Variants in PAG1 observed in about 807,000 individuals in gnomAD.
The protein encoded by PAG1 is phosphoprotein associated with glycosphingolipid-enriched microdomains 1.
Under a neutral mutation model 31.7 loss-of-function variants are expected in PAG1, and 23 were observed. The observed-to-expected ratio is 0.73, with a 90% CI of 0.52 to 1.03. The LOEUF is 1.03. Ranked by LOEUF, PAG1 falls within the 50% of genes least tolerant of loss-of-function variation. PAG1 has a pLI of 0.00. For missense variants in PAG1, 473 were observed against 540.7 expected (o/e 0.87, Z 1.24); for synonymous variants, 214 against 210.3 (o/e 1.02, Z -0.15).
Position 81,083,837 on chromosome 8 carries a change from TC to T in PAG1, c.-233-13668del, listed in dbSNP as rs201890277. Among the ~76,000 whole-genome samples the T allele has an allele frequency of 8.2e-3, 1,236 of 150,952 alleles. 17 individuals carry two copies. Among genetic ancestry groups the T allele is most frequent in the African/African-American group, 0.028 (1,149 of 40,456 alleles). On this transcript the variant is annotated intron_variant, in intron 1 of 8. Transcript: ENST00000220597. ...ATCACTTGAGGTCAGGAGTTCAAGA[TC>T]AGCCTGGCCAACATGGTGAAACCCC...
At chr8:81,073,213 C>A (rs925002709) in intron 1 of PAG1, among the ~76,000 whole-genome samples, 1 of 152,162 alleles carries the variant, frequency 6.6e-6, no homozygotes, top group East Asian at 1.9e-4. Flanking sequence ...CAAACCACAG[C>A]GAATTAGGCA....
At chr8:81,066,737 A>C (rs988486371) in intron 2 of PAG1, among the ~76,000 whole-genome samples, 3 of 152,232 alleles carry the variant, frequency 2.0e-5, no homozygotes, top group Non-Finnish European at 2.9e-5. Context: ...GGAAAGAGAA[A>C]GGGAGAAAGA....
chr8:80,990,155 CA>C lies in PAG1; in HGVS notation c.177+1323del, dbSNP rs1807511337. On this transcript the variant is annotated intron_variant, in intron 5 of 8. Transcript: ENST00000220597. The surrounding 1 kb of genome is among the most constrained non-coding windows in gnomAD (Gnocchi z 5.1). ...CCAGGGATGGGAACAGGGCGAGAAACAGAGTAAAGGGAGGAGTGGTGATGAG... is the reference window on the plus strand; with the variant it reads ...CCAGGGATGGGAACAGGGCGAGAAACGAGTAAAGGGAGGAGTGGTGATGAG... 6.6e-6 allele frequency among the ~76,000 whole-genome samples: 1 copy of C among 151,544 alleles called. No homozygotes were observed.
chr8:80,993,101 A>G lies in PAG1; in HGVS notation c.125+2T>C. 1 of 1,612,998 alleles carries G rather than the reference A, an allele frequency of 6.2e-7. No individual in the cohort carries two copies. Among genetic ancestry groups the G allele is most frequent in the Non-Finnish European group, 8.5e-7 (1 of 1,179,434 alleles). On this transcript the variant is annotated splice_donor_variant, in intron 4 of 8. Coordinates refer to ENST00000220597, the MANE Select transcript of PAG1 (RefSeq NM_018440.4). LOFTEE classifies it high-confidence loss of function. ...CACAGGTATATACACTCTGGTTCTC[A>G]CCTGTCACAACTAGAGCACAGGAAG...
chr8:81,054,884 C>T (rs1269161498), intron 2 of PAG1, among the ~76,000 whole-genome samples: 1 of 151,992 alleles, frequency 6.6e-6, no homozygotes, highest in Non-Finnish European at 1.5e-5. Context: ...ATTTCAAAAG[C>T]TCATGATGAA....
At chr8:81,083,001 AT>A (rs1809294157) in intron 1 of PAG1, among the ~76,000 whole-genome samples, 1 of 150,642 alleles carries the variant, frequency 6.6e-6, no homozygotes, top group Non-Finnish European at 1.5e-5. Flanking sequence ...CATTTTGGGT[AT>A]TATGTTATGA....
intron 7 of PAG1, among the ~76,000 whole-genome samples, chr8:80,980,841 A>AT (rs1236190534): frequency 1.3e-4 from 20 of 152,226 alleles, no homozygotes; most frequent in African/African-American, 4.6e-4. Context: ...GTGTTTCTTT[A>AT]TCAAATGCCT....
intron 2 of PAG1, among the ~76,000 whole-genome samples, chr8:81,060,077 T>G (rs1008798943): frequency 1.3e-5 from 2 of 152,162 alleles, no homozygotes; most frequent in Middle Eastern, 3.4e-3. Context: ...TTAAAAAATC[T>G]GATTATCCAT....
At chr8:80,978,444 G>C (rs975005453) in intron 8 of PAG1, among the ~76,000 whole-genome samples, 3 of 152,164 alleles carry the variant, frequency 2.0e-5, no homozygotes, top group African/African-American at 7.2e-5. Flanking sequence ...TTATAAAAAG[G>C]TAAACAATGG....
At chr8:81,072,262 G>T (rs943201701) in intron 1 of PAG1, among the ~76,000 whole-genome samples, 2 of 152,192 alleles carry the variant, frequency 1.3e-5, no homozygotes, top group African/African-American at 4.8e-5. Context: ...GTCCCACTGT[G>T]TCCTCAGCCA....
intron 2 of PAG1, among the ~76,000 whole-genome samples, chr8:81,044,909 C>T (rs1440604309): frequency 1.3e-5 from 2 of 152,142 alleles, no homozygotes; most frequent in Non-Finnish European, 2.9e-5. Context: ...TCTGGCACCC[C>T]CCTCCCCACC....
rs981811450 is a variant in PAG1 at position 80,990,057 on chromosome 8, G to A, written c.177+1422C>T. Among the ~76,000 whole-genome samples the A allele has an allele frequency of 3.3e-5, 5 of 151,906 alleles. No homozygotes were observed. The highest frequency in any genetic ancestry group is 6.5e-5 in the Admixed American group (1 of 15,268). ...CATCCCTCCCACCCTCCCTGCTGAGGCCACCACAGCAGCAATCACCAGGCA... is the reference window on the plus strand; with the variant it reads ...CATCCCTCCCACCCTCCCTGCTGAGACCACCACAGCAGCAATCACCAGGCA... On this transcript the variant is annotated intron_variant, in intron 5 of 8. Coordinates refer to ENST00000220597, the MANE Select transcript of PAG1 (RefSeq NM_018440.4). This position sits in a 1 kb window ranked among gnomAD's most constrained non-coding sequence, Gnocchi z 5.1.
intron 4 of PAG1, among the ~76,000 whole-genome samples, chr8:80,992,183 G>A (rs7015919): frequency 0.24 from 35,898 of 152,096 alleles, 7,923 homozygotes; most frequent in African/African-American, 0.58. Context: ...CCCCGGCCCT[G>A]CGGCCTCTTT....
intron 1 of PAG1, among the ~76,000 whole-genome samples, chr8:81,097,637 T>C (rs976645497): frequency 3.3e-5 from 5 of 151,744 alleles, no homozygotes; most frequent in African/African-American, 1.2e-4. Flanking sequence ...CAAATGGCAA[T>C]GATTCAATTT....
intron 1 of PAG1, among the ~76,000 whole-genome samples, chr8:81,108,975 C>T (rs930513778): frequency 2.6e-5 from 4 of 152,176 alleles, no homozygotes; most frequent in African/African-American, 9.7e-5. Flanking sequence ...TTACTGCTGC[C>T]GTGGTGGTTT....
chr8:80,993,323 T>A lies in PAG1; in HGVS notation c.-80-16A>T. ...GAGCTGTGTCCTGCAAAGAGACCAG[T>A]GCGTTTGGAGAGTAATTCTCGGGTA... On this transcript the variant is annotated splice_polypyrimidine_tract_variant and intron_variant, in intron 3 of 8. Coordinates refer to ENST00000220597, the MANE Select transcript of PAG1 (RefSeq NM_018440.4). The A allele has an allele frequency of 7.8e-7, 1 of 1,278,938 alleles. No individual in the cohort carries two copies. Among genetic ancestry groups the A allele is most frequent in the Non-Finnish European group, 1.1e-6 (1 of 936,434 alleles). 79.2% of individuals were successfully genotyped at this position (1,278,938 alleles called of 1,614,324 possible).
intron 5 of PAG1, among the ~76,000 whole-genome samples, chr8:80,988,532 C>T (rs1807472670): frequency 6.6e-6 from 1 of 152,108 alleles, no homozygotes; most frequent in African/African-American, 2.4e-5. Context: ...ATGATTATAG[C>T]TCACTGAAGT....
At chr8:81,010,018 G>A (rs530644908) in intron 3 of PAG1, among the ~76,000 whole-genome samples, 2 of 152,184 alleles carry the variant, frequency 1.3e-5, no homozygotes, top group Non-Finnish European at 2.9e-5. Context: ...TGTCCCCAGG[G>A]TATCTGAATA....
At chr8:81,067,009 A>AAAAGTAG (rs888212581) in intron 2 of PAG1, among the ~76,000 whole-genome samples, 1 of 152,162 alleles carries the variant, frequency 6.6e-6, no homozygotes, top group Admixed American at 6.5e-5. Flanking sequence ...AAAAATAAAA[A>AAAAGTAG]AAAGTAGCCA....
Sources: gnomAD v4.1 joint callset for allele counts (sites outside exome capture counted in the v4.1 genomes callset) on GRCh38, gnomAD v4.1.1 for gene constraint, Gnocchi (gnomAD v3.1) non-coding constraint, MANE v1.5 for transcripts, NCBI Gene and HGNC (gene_info 2026-07-23, HGNC 2026-07-21) for gene names.